The following RNF44 variants were observed in gnomAD, a reference collection of about 807,000 sequenced individuals.
RNF44 encodes the protein ring finger protein 44.
In RNF44, 25 loss-of-function variants were observed where a neutral mutation model predicts 53.6. The observed-to-expected ratio is 0.47, with a 90% CI of 0.34 to 0.65. The LOEUF (loss-of-function observed/expected upper bound fraction) is 0.65. Ranked by LOEUF, RNF44 falls within the 30% of genes least tolerant of loss-of-function variation. The pLI is 0.01. For missense variants in RNF44, 581 were observed against 595.5 expected, an observed-to-expected ratio of 0.98 and a Z score of 0.25; for synonymous variants, 282 against 252.2, an observed-to-expected ratio of 1.12 and a Z score of -1.12.
In RNF44 at chr5:176,528,251, C is replaced by T. The variant is rs1363115715; in HGVS notation, c.*777G>A. On this transcript the variant is annotated 3_prime_UTR_variant, in exon 11 of 11. Coordinates refer to ENST00000274811, the MANE Select transcript of RNF44 (RefSeq NM_014901.5). ...AAATGAATGAACAAAAACTGCTGCTCCTCACGTTCATGCAAAACAACAGAG... is the reference window on the plus strand; with the variant it reads ...AAATGAATGAACAAAAACTGCTGCTTCTCACGTTCATGCAAAACAACAGAG... 6.6e-6 allele frequency: 1 copy of T among 152,292 alleles called. No individual in the cohort carries two copies. The highest frequency in any genetic ancestry group is 1.9e-4 in the East Asian group (1 of 5,194). 9.4% of individuals were successfully genotyped at this position (152,292 alleles called of 1,614,324 possible). A position where few individuals can be genotyped will look rare whatever the true frequency, so the allele number is the denominator to read the frequency against.
Position 176,529,826 on chromosome 5 carries a change from G to A in RNF44, c.927-8C>T, listed in dbSNP as rs746482950. Reference sequence around the variant, plus strand: ...GACATTGGCAGCATCGAGCTAGAGAGAGACAAGTGTGGGGGCCCAGGGTCA... The same window carrying A: ...GACATTGGCAGCATCGAGCTAGAGAAAGACAAGTGTGGGGGCCCAGGGTCA... On this transcript the variant is annotated splice_polypyrimidine_tract_variant and splice_region_variant and intron_variant, in intron 7 of 10. Transcript: ENST00000274811. 1.3e-6 allele frequency: 2 copies of A among 1,590,100 alleles called. No individual in the cohort carries two copies. Among genetic ancestry groups the A allele is most frequent in the South Asian group, 2.3e-5 (2 of 86,390 alleles).
rs1298960061 is a variant in RNF44 at position 176,531,289 on chromosome 5, CTATTACCAAATGTGAACACGCG to C, written c.465+152_465+173del. Among the ~76,000 whole-genome samples the C allele has an allele frequency of 6.6e-6, 1 of 152,262 alleles. No individual in the cohort carries two copies. The highest frequency in any genetic ancestry group is 2.4e-5 in the African/African-American group (1 of 41,468). ...GAAGGTTCCTGAACCTTGAAACACT[CTATTACCAAATGTGAACACGCG>C]TATGCTTTCCTGGGGAGGCCAGGCA... is the stretch of plus-strand genomic sequence containing the variant. On this transcript the variant is annotated intron_variant, in intron 4 of 10. Coordinates refer to ENST00000274811, the MANE Select transcript of RNF44 (RefSeq NM_014901.5). This position sits in a 1 kb window ranked among gnomAD's most constrained non-coding sequence, Gnocchi z 4.2.
chr5:176,543,276 G>C, the RNF44 span, among the ~76,000 whole-genome samples: 2 of 146,722 alleles, frequency 1.4e-5, no homozygotes, highest in South Asian at 2.1e-4. The surrounding 1 kb of genome is among the most constrained non-coding windows in gnomAD (Gnocchi z 4.0). Flanking sequence ...GCCGCGGCGG[G>C]GCTCCACCCC....
At position 176,532,260 on chromosome 5, in the gene RNF44, A is replaced by G. The variant is rs1756753938; in HGVS notation, c.108-67T>C. The G allele has an allele frequency of 3.3e-6, 5 of 1,507,126 alleles. No individual in the cohort carries two copies. The South Asian group carries it at 6.4e-5, about 19-fold the overall frequency. The allele number at this position is 1,507,126 out of a possible 1,614,324, so 93.4% of individuals were successfully genotyped here. A position where few individuals can be genotyped will look rare whatever the true frequency, so the allele number is the denominator to read the frequency against. ...CACTCGTGCACAGAGCAGGGAGAGA[A>G]GCCAGGGTGACTCCCCCCATGGGGA... On this transcript the variant is annotated intron_variant, in intron 2 of 10. Coordinates refer to ENST00000274811, the MANE Select transcript of RNF44 (RefSeq NM_014901.5).
At position 176,530,702 on chromosome 5, in the gene RNF44, G is replaced by C; in HGVS notation, c.681C>G (p.Asp227Glu). 1.3e-6 allele frequency: 2 copies of C among 1,550,772 alleles called. No individual in the cohort carries two copies. Among genetic ancestry groups the C allele is most frequent in the Non-Finnish European group, 1.7e-6 (2 of 1,151,258 alleles). The change falls in exon 6 of 11, where the codon GAC becomes GAG. Residue 227 changes from aspartate to glutamate, a missense_variant. By Grantham distance (45) the Asp-to-Glu change is conservative. Transcript: ENST00000274811. ...RLDNDVDLRG[D>E]QPSLGSFTYS... ...AGGTGAAGCTGCCCAGGGAGGGCTG[G>C]TCCCCACGCAGGTCCACGTCGTTGT...
chr5:176,530,802 T>C (rs1158598651), intron 5 of RNF44, 46 bp downstream of exon 5: 3 of 1,424,480 alleles, frequency 2.1e-6, no homozygotes, highest in Non-Finnish European at 2.8e-6. Context: ...TCACCCTGCC[T>C]CCCCCCACGC....
chr5:176,530,899 G>A lies in RNF44; in HGVS notation c.588C>T (p.His196=), dbSNP rs113946948. ...ACACAAACTGCCCCAGGGGCGCCAT[G>A]TGGGTGGGCTGGGGGGGTGGGGCCG... ...PPPAPPPQPT[H]MAPLGQFVSL... The change falls in exon 5 of 11, where the codon CAC becomes CAT. Residue 196 remains histidine (H), a synonymous_variant. Transcript: ENST00000274811. The A allele has an allele frequency of 1.4e-5, 19 of 1,403,870 alleles. No individual in the cohort carries two copies. The highest frequency in any genetic ancestry group is 4.0e-4 in the Middle Eastern group (2 of 5,044). 87.0% of individuals were successfully genotyped at this position (1,403,870 alleles called of 1,614,324 possible).
chr5:176,534,541 G>A (rs1319104750), intron 1 of RNF44, among the ~76,000 whole-genome samples: 1 of 152,262 alleles, frequency 6.6e-6, no homozygotes, highest in African/African-American at 2.4e-5. Flanking sequence ...GCAGATGCCT[G>A]GCCCATCCCA....
chr5:176,532,164 GGGCT>G lies in RNF44; in HGVS notation c.133_136del (p.Ser45ArgfsTer22). 1 of 1,548,036 alleles carries G rather than the reference GGGCT, an allele frequency of 6.5e-7. No individual in the cohort carries two copies. Among genetic ancestry groups the G allele is most frequent in the South Asian group, 1.2e-5 (1 of 82,016 alleles). On this transcript the variant is annotated frameshift_variant, in exon 3 of 11. Coordinates refer to ENST00000274811, the MANE Select transcript of RNF44 (RefSeq NM_014901.5). LOFTEE classifies it high-confidence loss of function. ...GGGTAAGCGCTCATCCCGGGCAGGC[GGGCT>G]GGCCAGGGGGCCCTCGAGGCCAGGG...
At chr5:176,536,102 G>C (rs1757141710) in intron 1 of RNF44, 1 of 152,186 alleles carries the variant, frequency 6.6e-6, no homozygotes, top group Non-Finnish European at 1.5e-5. Context: ...ACTCAGCCAG[G>C]AAGAGAAGCC....
At chr5:176,532,296 C>T in intron 2 of RNF44, 70 bp downstream of exon 2, 1 of 1,532,278 alleles carries the variant, frequency 6.5e-7, no homozygotes, top group Non-Finnish European at 8.8e-7. Context: ...GGGAAGGCAG[C>T]TCAGGGCCCT....
At chr5:176,532,226 G>C in intron 2 of RNF44, 33 bp from the exon 3 acceptor site, 1 of 1,492,468 alleles carries the variant, frequency 6.7e-7, no homozygotes, top group African/African-American at 1.4e-5. Flanking sequence ...CGATAGGACT[G>C]AGGGGGGCCA....
chr5:176,529,010 G>A lies in RNF44; in HGVS notation c.*18C>T, dbSNP rs774075493. 5.6e-6 allele frequency: 9 copies of A among 1,607,982 alleles called. No individual in the cohort carries two copies. In the African/African-American group the frequency reaches 1.1e-4, roughly 19 times the overall value. On this transcript the variant is annotated 3_prime_UTR_variant, in exon 11 of 11. Transcript: ENST00000274811. Reference sequence around the variant, plus strand: ...AGAGCTTCAGGCAGGGTTCTCCCGGGCAGGCGGCTGCGTGGCCTCACTCAG... The same window carrying A: ...AGAGCTTCAGGCAGGGTTCTCCCGGACAGGCGGCTGCGTGGCCTCACTCAG...
In RNF44 at chr5:176,529,747, TCCA is replaced by T; in HGVS notation, c.995_997del (p.Val332del). On this transcript the variant is annotated inframe_deletion, in exon 8 of 11. Coordinates refer to ENST00000274811, the MANE Select transcript of RNF44 (RefSeq NM_014901.5). ...CCATGGGACCTCATAGTTCTCCATC[TCCA>T]CATCATCCACGTCCAGGTCCAGGCT... The T allele has an allele frequency of 6.2e-7, 1 of 1,612,184 alleles. No homozygotes were observed. The highest frequency in any genetic ancestry group is 8.5e-7 in the Non-Finnish European group (1 of 1,179,060).
chr5:176,528,973 C>A lies in RNF44; in HGVS notation c.*55G>T. The A allele has an allele frequency of 1.3e-6, 2 of 1,560,240 alleles. No homozygotes were observed. The highest frequency in any genetic ancestry group is 2.2e-5 in the East Asian group (1 of 44,502). ...CCTCCCCATCCTCCCTGGGCCCCAC[C>A]CACAAGTTTCCAGAGCTTCAGGCAG... On this transcript the variant is annotated 3_prime_UTR_variant, in exon 11 of 11. Transcript: ENST00000274811.
chr5:176,530,254 G>C (rs1180337352), intron 6 of RNF44, 48 bp from the exon 7 acceptor site: 1 of 906,896 alleles, frequency 1.1e-6, no homozygotes, highest in Non-Finnish European at 1.3e-6. Context: ...CTGCCTCCCA[G>C]CCGCCCCGGA....
At chr5:176,540,572 G>A (rs1427680573), upstream of RNF44, among the ~76,000 whole-genome samples, 1 of 152,234 alleles carries the variant, frequency 6.6e-6, no homozygotes, top group Non-Finnish European at 1.5e-5. Context: ...ATTGCATCAT[G>A]AGAGCAGAAG....
Position 176,530,887 on chromosome 5 carries a change from C to T in RNF44, c.600G>A (p.Leu200=). ...PPPQPTHMAP[L]GQFVSLQTQH... Reference sequence around the variant, plus strand: ...GGGTCTGCAGAGACACAAACTGCCCCAGGGGCGCCATGTGGGTGGGCTGGG... The same window carrying T: ...GGGTCTGCAGAGACACAAACTGCCCTAGGGGCGCCATGTGGGTGGGCTGGG... Residue 200 remains leucine (L), a synonymous_variant, in exon 5 of 11, where the codon CTG becomes CTA. Transcript: ENST00000274811. 2.3e-5 allele frequency: 9 copies of T among 383,922 alleles called. No homozygotes were observed. Among genetic ancestry groups the T allele is most frequent in the Non-Finnish European group, 3.2e-5 (9 of 278,030 alleles). 23.8% of individuals were successfully genotyped at this position (383,922 alleles called of 1,614,324 possible). A position where few individuals can be genotyped will look rare whatever the true frequency, so the allele number is the denominator to read the frequency against.
In RNF44 at chr5:176,532,254, G is replaced by A. The variant is rs1581104224; in HGVS notation, c.108-61C>T. The A allele has an allele frequency of 1.2e-5, 18 of 1,507,198 alleles. No homozygotes were observed. In the East Asian group the frequency reaches 3.9e-4, roughly 33 times the overall value. 93.4% of individuals were successfully genotyped at this position (1,507,198 alleles called of 1,614,324 possible). Reference sequence around the variant, plus strand: ...GGGGGCCACTCGTGCACAGAGCAGGGAGAGAAGCCAGGGTGACTCCCCCCA... The same window carrying A: ...GGGGGCCACTCGTGCACAGAGCAGGAAGAGAAGCCAGGGTGACTCCCCCCA... On this transcript the variant is annotated intron_variant, in intron 2 of 10. Transcript: ENST00000274811.
Sources: allele counts gnomAD v4.1 joint callset (sites outside exome capture counted in the v4.1 genomes callset), GRCh38; gene constraint gnomAD v4.1.1; non-coding constraint Gnocchi (gnomAD v3.1); transcripts MANE v1.5; gene names NCBI Gene and HGNC (gene_info 2026-07-23, HGNC 2026-07-21).